The following BACE2 variants were observed in gnomAD, a reference collection of about 807,000 sequenced individuals.
BACE2 encodes the protein 56 kDa aspartic-like protease.
A neutral mutation model predicts 46.2 loss-of-function variants in BACE2; 17 were observed. The ratio of observed to expected loss-of-function variants is 0.37; its 90% CI spans 0.25 to 0.55. The LOEUF (loss-of-function observed/expected upper bound fraction) is 0.55. Among genes scored for constraint, BACE2 ranks in the 20% least tolerant of loss-of-function variants. BACE2 has a pLI of 0.82. For synonymous variants in BACE2, 277 were observed against 295.9 expected (o/e 0.94, Z 0.66); for missense variants, 595 against 698.1 (o/e 0.85, Z 1.66).
intron 1 of BACE2, among the ~76,000 whole-genome samples, chr21:41,219,237 G>C (rs1406666042): frequency 1.3e-5 from 2 of 151,994 alleles, no homozygotes; most frequent in Non-Finnish European, 2.9e-5. Context: ...CAAGAGAAGA[G>C]GTTAAGATAT....
intron 6 of BACE2, 131 bp downstream of exon 6, chr21:41,246,194 G>A: frequency 1.9e-6 from 1 of 528,568 alleles, no homozygotes; most frequent in Non-Finnish European, 3.3e-6. Context: ...TTGTGTATTT[G>A]TATATTTTAT....
In BACE2 at chr21:41,250,918, G is replaced by T. The variant is rs764788940; in HGVS notation, c.1134+17G>T. On this transcript the variant is annotated intron_variant, in intron 7 of 8. Coordinates refer to ENST00000330333, the MANE Select transcript of BACE2 (RefSeq NM_012105.5). Reference sequence around the variant, plus strand: ...CTGCCTCAGGTATGAACTTGGATTTGTGCTTTGCTCTTTTTATCATGCAAA... The same window carrying T: ...CTGCCTCAGGTATGAACTTGGATTTTTGCTTTGCTCTTTTTATCATGCAAA... The T allele has an allele frequency of 6.2e-7, 1 of 1,612,828 alleles. No homozygotes were observed. The highest frequency in any genetic ancestry group is 1.7e-5 in the Admixed American group (1 of 59,878).
intron 1 of BACE2, chr21:41,181,760 C>T (rs1801227961): frequency 6.0e-6 from 1 of 166,886 alleles, no homozygotes; most frequent in African/African-American, 2.4e-5. Flanking sequence ...TTTTGGGGTG[C>T]TATGGTTAGT....
Position 41,234,622 on chromosome 21 carries a change from T to A in BACE2, c.402-2891T>A, listed in dbSNP as rs191630466. On this transcript the variant is annotated intron_variant, in intron 2 of 8. Coordinates refer to ENST00000330333, the MANE Select transcript of BACE2 (RefSeq NM_012105.5). ...CTATTCTCCAAGCATTTCAAGATAA[T>A]TAGTCTTTGTATATTTCTGAACTTG... is the stretch of plus-strand genomic sequence containing the variant. 3.4e-4 allele frequency among the ~76,000 whole-genome samples: 52 copies of A among 152,356 alleles called. 1 individual carries two copies. In the East Asian group the frequency reaches 0.01, roughly 29 times the overall value.
chr21:41,188,142 G>T (rs1052192612), intron 1 of BACE2, among the ~76,000 whole-genome samples: 2 of 152,170 alleles, frequency 1.3e-5, no homozygotes, highest in African/African-American at 2.4e-5. Flanking sequence ...AGAAGGCAGT[G>T]TCATTCAGAA....
At chr21:41,246,589 T>C (rs1383671040) in intron 6 of BACE2, among the ~76,000 whole-genome samples, 1 of 152,208 alleles carries the variant, frequency 6.6e-6, no homozygotes, top group African/African-American at 2.4e-5. Context: ...TACCATTTTT[T>C]CACAGAAGAC....
At position 41,237,659 on chromosome 21, in the gene BACE2, C is replaced by T; in HGVS notation, c.548C>T (p.Ser183Leu). ...GTCAACATTGCCACTATTTTTGAAT[C>T]AGAGAATTTCTTTTTGCCTGGGATT... The part of the protein sequence containing the change: ...FLVNIATIFE[S>L]ENFFLPGIKW... The change falls in exon 3 of 9, where the codon TCA becomes TTA. Residue 183 changes from serine (S) to leucine (L), a missense_variant. Coordinates refer to ENST00000330333, the MANE Select transcript of BACE2 (RefSeq NM_012105.5). The T allele has an allele frequency of 6.2e-7, 1 of 1,614,136 alleles. No individual in the cohort carries two copies. Among genetic ancestry groups the T allele is most frequent in the Non-Finnish European group, 8.5e-7 (1 of 1,180,012 alleles).
At chr21:41,187,283 G>A (rs1277312499) in intron 1 of BACE2, among the ~76,000 whole-genome samples, 3 of 152,190 alleles carry the variant, frequency 2.0e-5, no homozygotes, top group African/African-American at 7.2e-5. Flanking sequence ...TCACTCTTCA[G>A]CGTTTCTGGC....
chr21:41,250,646 G>T (rs1451759878), intron 6 of BACE2, 106 bp from the exon 7 acceptor site: 3 of 988,498 alleles, frequency 3.0e-6, no homozygotes, highest in Non-Finnish European at 4.7e-6. Context: ...ATTAAACATT[G>T]TTTATCCCTG....
chr21:41,240,069 T>C (rs1400735406), intron 3 of BACE2, among the ~76,000 whole-genome samples: 1 of 152,256 alleles, frequency 6.6e-6, no homozygotes, highest in African/African-American at 2.4e-5. Context: ...TACTGACAAT[T>C]GGCTTCCCAT....
chr21:41,251,407 G>T (rs187866044), intron 7 of BACE2, among the ~76,000 whole-genome samples: 3 of 152,210 alleles, frequency 2.0e-5, no homozygotes, highest in Non-Finnish European at 4.4e-5. Flanking sequence ...CCATGGAGCC[G>T]CATTGCCAAG....
intron 1 of BACE2, among the ~76,000 whole-genome samples, chr21:41,223,264 G>A (rs937519928): frequency 6.6e-5 from 10 of 151,956 alleles, no homozygotes; most frequent in Non-Finnish European, 1.3e-4. Flanking sequence ...GCTGAGGTGA[G>A]AGGATCCCTT....
intron 1 of BACE2, among the ~76,000 whole-genome samples, chr21:41,212,437 A>G (rs1986328593): frequency 6.6e-6 from 1 of 152,240 alleles, no homozygotes; most frequent in Admixed American, 6.5e-5. Flanking sequence ...AGAGCACAGC[A>G]GAGCATAAGG....
At chr21:41,260,347 G>A (rs112684671) in intron 8 of BACE2, among the ~76,000 whole-genome samples, 403 of 152,138 alleles carry the variant, frequency 2.6e-3, no homozygotes, top group African/African-American at 8.4e-3. Context: ...GTTTTGCTGC[G>A]TTGCCCAGGC....
intron 2 of BACE2, among the ~76,000 whole-genome samples, chr21:41,235,798 G>A (rs912055498): frequency 1.3e-5 from 2 of 152,198 alleles, no homozygotes; most frequent in Non-Finnish European, 2.9e-5. Context: ...CCATGATTGC[G>A]CTATGGCACT....
At position 41,250,796 on chromosome 21, in the gene BACE2, G is replaced by A. The variant is rs370258544; in HGVS notation, c.1029G>A (p.Ala343=). ...SDGFWTGSQL[A]CWTNSETPWS... The stretch of plus-strand genomic sequence containing the variant: ...GTTTCTGGACTGGGTCCCAGCTGGC[G>A]TGCTGGACGAATTCGGAAACACCTT... Residue 343 remains alanine, a synonymous_variant, in exon 7 of 9, where the codon GCG becomes GCA. Transcript: ENST00000330333. 125 of 1,613,990 alleles carry A rather than the reference G, an allele frequency of 7.7e-5. No individual in the cohort carries two copies. Among genetic ancestry groups the A allele is most frequent in the African/African-American group, 9.3e-5 (7 of 74,894 alleles).
rs533246321 is a variant in BACE2, at chr21:41,282,477, C to T, written c.*6853C>T. The T allele has an allele frequency of 6.6e-6, 1 of 152,200 alleles. No individual in the cohort carries two copies. Among genetic ancestry groups the T allele is most frequent in the South Asian group, 2.1e-4 (1 of 4,814 alleles). The allele number at this position is 152,200 out of a possible 1,614,324, so 9.4% of individuals were successfully genotyped here. The stretch of plus-strand genomic sequence containing the variant: ...ATGTTCCAGCAATTTAAGATATATA[C>T]CATTGAAAGGGAAATAAAACATTTT... On this transcript the variant is annotated 3_prime_UTR_variant, in exon 9 of 9. Transcript: ENST00000330333.
intron 1 of BACE2, among the ~76,000 whole-genome samples, chr21:41,219,331 A>C (rs1986568337): frequency 6.6e-6 from 1 of 152,250 alleles, no homozygotes; most frequent in Non-Finnish European, 1.5e-5. Context: ...ATTATTAAAC[A>C]CCAGAAATCT....
At position 41,193,323 on chromosome 21, in the gene BACE2, G is replaced by A. The variant is rs1427866224; in HGVS notation, c.312+24748G>A. On this transcript the variant is annotated intron_variant, in intron 1 of 8. Coordinates refer to ENST00000330333, the MANE Select transcript of BACE2 (RefSeq NM_012105.5). This position sits in a 1 kb window ranked among gnomAD's most constrained non-coding sequence, Gnocchi z 4.2. ...AATGGCTGCATACCAGGTACCAGGA[G>A]GTGTGTTAATTTGCTCAAGCAATGA... Among the ~76,000 whole-genome samples, 2 of 152,232 alleles carry A rather than the reference G, an allele frequency of 1.3e-5. No individual in the cohort carries two copies. Among genetic ancestry groups the A allele is most frequent in the Non-Finnish European group, 2.9e-5 (2 of 68,038 alleles).
Sources: allele counts gnomAD v4.1 joint callset (sites outside exome capture counted in the v4.1 genomes callset), GRCh38; gene constraint gnomAD v4.1.1; non-coding constraint Gnocchi (gnomAD v3.1); transcripts MANE v1.5; gene names NCBI Gene and HGNC (gene_info 2026-07-23, HGNC 2026-07-21).